SKIL: variants seen among roughly 807,000 people sequenced by gnomAD.
SKIL encodes the protein SKI like proto-oncogene.
Under a neutral mutation model 69.6 loss-of-function variants are expected in SKIL, and 20 were observed. The observed-to-expected ratio is 0.29, with a 90% CI of 0.20 to 0.42. The LOEUF (loss-of-function observed/expected upper bound fraction) is 0.42, where lower values mean the gene tolerates loss of function less well. Ranked by LOEUF, SKIL falls within the 10% of genes least tolerant of loss-of-function variation. The pLI, the probability that SKIL is intolerant of heterozygous loss-of-function variation, is 1.00. For missense variants in SKIL, 745 were observed against 783.1 expected, an observed-to-expected ratio of 0.95 and a Z score of 0.58; for synonymous variants, 310 against 279.9, an observed-to-expected ratio of 1.11 and a Z score of -1.08.
chr3:170,372,034 T>C (rs548851404), intron 2 of SKIL, among the ~76,000 whole-genome samples: 4 of 152,338 alleles, frequency 2.6e-5, no homozygotes, highest in African/African-American at 7.2e-5. Context: ...CTTAGAATTA[T>C]ACAGATTAAA....
rs76057102 is a variant in SKIL, at chr3:170,390,204, T to G, written c.1430-19T>G. The G allele has an allele frequency of 2.7e-3, 4,265 of 1,576,202 alleles. 15 individuals are homozygous for G. Among genetic ancestry groups the G allele is most frequent in the Non-Finnish European group, 2.9e-3 (3,302 of 1,149,012 alleles). On this transcript the variant is annotated intron_variant, in intron 4 of 6. Coordinates refer to ENST00000259119, the MANE Select transcript of SKIL (RefSeq NM_005414.5). Reference sequence around the variant, plus strand: ...GGAGTGATATTCATACTTTGTTACTTGATTTTTTTCTCTCCAAGATGCATC... The same window carrying G: ...GGAGTGATATTCATACTTTGTTACTGGATTTTTTTCTCTCCAAGATGCATC...
chr3:170,373,598 CTTAA>C (rs1480149807), intron 2 of SKIL, among the ~76,000 whole-genome samples: 3 of 152,138 alleles, frequency 2.0e-5, no homozygotes, highest in Non-Finnish European at 4.4e-5. Context: ...GTCATTAGGA[CTTAA>C]TTAAAGATCA....
At chr3:170,373,743 TAGTC>T (rs1256209711) in intron 2 of SKIL, among the ~76,000 whole-genome samples, 29 of 152,060 alleles carry the variant, frequency 1.9e-4, no homozygotes, top group African/African-American at 3.4e-4. Context: ...AAAAAAAAAT[TAGTC>T]AGGCTTGGTG....
chr3:170,388,254 G>A (rs1737748000), intron 4 of SKIL, among the ~76,000 whole-genome samples: 1 of 152,106 alleles, frequency 6.6e-6, no homozygotes, highest in African/African-American at 2.4e-5. Flanking sequence ...ATTTCTCAGT[G>A]AATGATGATA....
intron 2 of SKIL, among the ~76,000 whole-genome samples, chr3:170,377,906 A>C (rs904531760): frequency 1.6e-5 from 2 of 128,036 alleles, no homozygotes; most frequent in African/African-American, 2.9e-5. Context: ...TTCTTTTTTT[A>C]TTTTTGAGAC....
chr3:170,365,111 T>A (rs1736435173), intron 2 of SKIL, among the ~76,000 whole-genome samples: 1 of 152,032 alleles, frequency 6.6e-6, no homozygotes, highest in African/African-American at 2.4e-5. Context: ...AAAAACGTAC[T>A]CAGAACATTG....
At chr3:170,362,467 G>T (rs956363611) in intron 2 of SKIL, among the ~76,000 whole-genome samples, 2 of 151,596 alleles carry the variant, frequency 1.3e-5, no homozygotes, top group African/African-American at 4.9e-5. Context: ...GTGCCATTGC[G>T]CTCCAGCGTA....
At chr3:170,372,427 A>T (rs767303061) in intron 2 of SKIL, among the ~76,000 whole-genome samples, 3 of 152,216 alleles carry the variant, frequency 2.0e-5, no homozygotes, top group Non-Finnish European at 4.4e-5. Context: ...GCAGATGCTT[A>T]GATCATACTG....
At chr3:170,362,534 C>T (rs1056419447) in intron 2 of SKIL, among the ~76,000 whole-genome samples, 1 of 36,302 alleles carries the variant, frequency 2.8e-5, no homozygotes, top group African/African-American at 1.1e-4. Context: ...AACCTATCAA[C>T]AGGTGGGAGC....
chr3:170,387,649 C>T (rs564426860), intron 4 of SKIL, among the ~76,000 whole-genome samples: 57 of 150,896 alleles, frequency 3.8e-4, no homozygotes, highest in Middle Eastern at 6.8e-3. Flanking sequence ...ATAGGCCGGG[C>T]GCGGTGGCTC....
rs1391979411 is a variant in SKIL, at chr3:170,395,072, A to G, written c.*2655A>G. On this transcript the variant is annotated 3_prime_UTR_variant, in exon 7 of 7. Coordinates refer to ENST00000259119, the MANE Select transcript of SKIL (RefSeq NM_005414.5). ...AAGCTGCATTAAAGGGACAACCTAT[A>G]AAAAGTTTTGCTAGCTCATCTTTAG... The G allele has an allele frequency of 1.3e-5, 2 of 152,210 alleles. No individual in the cohort carries two copies. The highest frequency in any genetic ancestry group is 2.9e-5 in the Non-Finnish European group (2 of 68,010). 9.4% of individuals were successfully genotyped at this position (152,210 alleles called of 1,614,324 possible).
At chr3:170,367,553 G>A (rs962300342) in intron 2 of SKIL, among the ~76,000 whole-genome samples, 2 of 148,846 alleles carry the variant, frequency 1.3e-5, no homozygotes, top group Admixed American at 6.8e-5. Flanking sequence ...TGCAACTTCC[G>A]CCTCCCAGGT....
chr3:170,376,197 A>G (rs13066748), intron 2 of SKIL, among the ~76,000 whole-genome samples: 116,502 of 151,484 alleles, frequency 0.77, 45,564 homozygotes, highest in East Asian at 0.94. Context: ...ACAGGGATGC[A>G]CCACCATGCC....
At position 170,389,023 on chromosome 3, in the gene SKIL, C is replaced by T. The variant is rs898535318; in HGVS notation, c.1430-1200C>T. On this transcript the variant is annotated intron_variant, in intron 4 of 6. Coordinates refer to ENST00000259119, the MANE Select transcript of SKIL (RefSeq NM_005414.5). Reference sequence around the variant, plus strand: ...TAGCTGGGATTACAGGTGCGCGCCACCATGCCTGGCTAATTTTTTTTGTAT... The same window carrying T: ...TAGCTGGGATTACAGGTGCGCGCCATCATGCCTGGCTAATTTTTTTTGTAT... 3.7e-4 allele frequency among the ~76,000 whole-genome samples: 57 copies of T among 152,102 alleles called. 1 individual carries two copies. Among genetic ancestry groups the T allele is most frequent in the African/African-American group, 1.3e-3 (56 of 41,506 alleles).
At chr3:170,377,209 T>G (rs1577428005) in intron 2 of SKIL, among the ~76,000 whole-genome samples, 1 of 152,114 alleles carries the variant, frequency 6.6e-6, no homozygotes, top group Non-Finnish European at 1.5e-5. Flanking sequence ...ATTCTGAATA[T>G]TAGTTCAAAA....
chr3:170,391,003 G>T (rs765446436), intron 5 of SKIL, 33 bp from the exon 6 acceptor site: 3 of 1,187,996 alleles, frequency 2.5e-6, no homozygotes, highest in Non-Finnish European at 3.7e-6. Context: ...TGAAAATAAA[G>T]TAAAACTTGT....
chr3:170,366,517 T>C (rs1417867626), intron 2 of SKIL, among the ~76,000 whole-genome samples: 2 of 151,906 alleles, frequency 1.3e-5, no homozygotes, highest in Non-Finnish European at 2.9e-5. Flanking sequence ...CCATCTCTAC[T>C]GAAAATACAA....
intron 2 of SKIL, among the ~76,000 whole-genome samples, chr3:170,379,710 C>T (rs1230671286): frequency 6.6e-6 from 1 of 152,114 alleles, no homozygotes; most frequent in African/African-American, 2.4e-5. Context: ...GTGGCATGAT[C>T]TTGGCTCACT....
At chr3:170,379,473 G>A (rs528143881) in intron 2 of SKIL, among the ~76,000 whole-genome samples, 1 of 68,368 alleles carries the variant, frequency 1.5e-5, no homozygotes, top group South Asian at 4.2e-4. Flanking sequence ...TTACCAGTGA[G>A]TCTTGCCCCC....
Sources: allele counts gnomAD v4.1 joint callset (sites outside exome capture counted in the v4.1 genomes callset), GRCh38; gene constraint gnomAD v4.1.1; transcripts MANE v1.5; gene names NCBI Gene and HGNC (gene_info 2026-07-23, HGNC 2026-07-21).